Variants in YTHDF3 observed in about 807,000 individuals in gnomAD.
The protein encoded by YTHDF3 is YTH domain-containing family protein 3.
Under a neutral mutation model 52.5 loss-of-function variants are expected in YTHDF3, and 9 were observed. That is an observed-to-expected ratio of 0.17 (90% CI 0.10 to 0.30). The LOEUF (loss-of-function observed/expected upper bound fraction) is 0.30. Among genes scored for constraint, YTHDF3 ranks in the 10% least tolerant of loss-of-function variants. YTHDF3 has a pLI of 1.00. For synonymous variants in YTHDF3, 274 were observed against 243.3 expected, an observed-to-expected ratio of 1.13 and a Z score of -1.18; for missense variants, 534 against 715.0, an observed-to-expected ratio of 0.75 and a Z score of 2.89.
rs1287666821 is a variant in YTHDF3, at chr8:63,187,746, G to T, written c.1734+1G>T. On this transcript the variant is annotated splice_donor_variant, in intron 4 of 4. Transcript: ENST00000539294. LOFTEE classifies it high-confidence loss of function. ...AGAAGAGGAGGAAGCCATGCGTAGGGTAAGAATATAGTAATTTTTTGTTTG... is the reference window on the plus strand; with the variant it reads ...AGAAGAGGAGGAAGCCATGCGTAGGTTAAGAATATAGTAATTTTTTGTTTG... 3 of 1,591,968 alleles carry T rather than the reference G, an allele frequency of 1.9e-6. No homozygotes were observed. Among genetic ancestry groups the T allele is most frequent in the Admixed American group, 1.8e-5 (1 of 56,036 alleles).
At chr8:63,179,862 T>TC (rs1030841887) in intron 3 of YTHDF3, among the ~76,000 whole-genome samples, 1 of 133,906 alleles carries the variant, frequency 7.5e-6, no homozygotes, top group Non-Finnish European at 1.6e-5. Flanking sequence ...CCCTCCCACC[T>TC]CCCCCCGGAT....
chr8:63,199,409 C>G lies in YTHDF3; in HGVS notation c.1735-10274C>G, dbSNP rs552700080. On this transcript the variant is annotated intron_variant, in intron 4 of 4. Coordinates refer to ENST00000539294, the MANE Select transcript of YTHDF3 (RefSeq NM_152758.6). The stretch of plus-strand genomic sequence containing the variant: ...TCCCTTGAATACTGCATTTTTTTAT[C>G]TCTTTCGTTGAAATAATTCGTTGTA... 9.2e-5 allele frequency among the ~76,000 whole-genome samples: 14 copies of G among 152,206 alleles called. No homozygotes were observed. In the South Asian group the frequency reaches 2.9e-3, roughly 32 times the overall value.
At chr8:63,199,253 T>A (rs779093772) in intron 4 of YTHDF3, among the ~76,000 whole-genome samples, 3 of 152,180 alleles carry the variant, frequency 2.0e-5, no homozygotes, top group Admixed American at 6.5e-5. Context: ...GGTGATTAAA[T>A]TGGACAGAAT....
intron 4 of YTHDF3, among the ~76,000 whole-genome samples, chr8:63,209,465 G>A (rs1360266620): frequency 6.6e-6 from 1 of 152,084 alleles, no homozygotes; most frequent in Non-Finnish European, 1.5e-5. Context: ...TCCTGAAATA[G>A]GTCTTTGTGT....
chr8:63,183,497 T>C (rs903767357), intron 3 of YTHDF3, among the ~76,000 whole-genome samples: 4 of 152,214 alleles, frequency 2.6e-5, no homozygotes, highest in East Asian at 1.9e-4. Flanking sequence ...TTAAAAACTA[T>C]TGTTGGTGTA....
At chr8:63,171,897 A>T (rs1402593281) in intron 2 of YTHDF3, among the ~76,000 whole-genome samples, 2 of 152,186 alleles carry the variant, frequency 1.3e-5, no homozygotes, top group Non-Finnish European at 2.9e-5. Flanking sequence ...TCTTTAGTTG[A>T]CAGCTTTAGC....
Position 63,186,693 on chromosome 8 carries a change from G to C in YTHDF3, c.682G>C (p.Val228Leu). The C allele has an allele frequency of 3.1e-6, 5 of 1,613,992 alleles. No individual in the cohort carries two copies. The highest frequency in any genetic ancestry group is 4.2e-6 in the Non-Finnish European group (5 of 1,179,890). The change falls in exon 4 of 5, where the codon GTT (valine) becomes CTT (leucine). Residue 228 changes from valine to leucine, a missense_variant. This residue lies in a region of YTHDF3 where 196 missense variants were observed against 299.5 expected (regional missense o/e 0.65). Coordinates refer to ENST00000539294, the MANE Select transcript of YTHDF3 (RefSeq NM_152758.6). ...CATTGCAACCAATAGTGTGCCCCCA[G>C]TTAGCAGTGCAGCACCTAAACCAAC... is the stretch of plus-strand genomic sequence containing the variant. Reference protein sequence around the residue: ...TSIATNSVPPVSSAAPKPTSW... With the variant: ...TSIATNSVPPLSSAAPKPTSW...
chr8:63,172,731 C>G lies in YTHDF3; in HGVS notation c.50-2600C>G, dbSNP rs1258339551. 3 of 1,227,958 alleles carry G rather than the reference C, an allele frequency of 2.4e-6. No homozygotes were observed. In the African/African-American group the frequency reaches 4.7e-5, roughly 19 times the overall value. 76.1% of individuals were successfully genotyped at this position (1,227,958 alleles called of 1,614,324 possible). A position where few individuals can be genotyped will look rare whatever the true frequency, so the allele number is the denominator to read the frequency against. On this transcript the variant is annotated intron_variant, in intron 2 of 4. Transcript: ENST00000539294. ...GACCAGAGCAAAGAATCACCTGGCT[C>G]CTAAGGCCCATGTTCTATCTTGATT...
At chr8:63,169,173 C>G (rs758528735) in intron 1 of YTHDF3, 4 of 1,398,286 alleles carry the variant, frequency 2.9e-6, no homozygotes, top group Admixed American at 2.8e-5. Context: ...GGGGCGGAGA[C>G]CGGGCGAGCT....
chr8:63,208,149 C>T (rs1810155548), intron 4 of YTHDF3, among the ~76,000 whole-genome samples: 1 of 152,046 alleles, frequency 6.6e-6, no homozygotes, highest in African/African-American at 2.4e-5. Flanking sequence ...CTCACCGATA[C>T]TCGTTAGTCT....
chr8:63,187,318 C>G lies in YTHDF3; in HGVS notation c.1307C>G (p.Ser436Cys), dbSNP rs767721927. Residue 436 changes from serine (S) to cysteine (C), a missense_variant, in exon 4 of 5, where the codon TCT (serine) becomes TGT (cysteine). This residue lies in a region of YTHDF3 where 135 missense variants were observed against 214.2 expected (regional missense o/e 0.63). Transcript: ENST00000539294. The stretch of plus-strand genomic sequence containing the variant: ...GACATACATCGTTCCATTAAATACT[C>G]TATCTGGTGTAGTACTGAGCATGGT... Reference protein sequence around the residue: ...EDDIHRSIKYSIWCSTEHGNK... With the variant: ...EDDIHRSIKYCIWCSTEHGNK... 1 of 1,614,034 alleles carries G rather than the reference C, an allele frequency of 6.2e-7. No homozygotes were observed. Among genetic ancestry groups the G allele is most frequent in the Non-Finnish European group, 8.5e-7 (1 of 1,179,894 alleles).
In YTHDF3 at chr8:63,209,703, A is replaced by G. The variant is rs1369080326; in HGVS notation, c.1755A>G (p.Gln585=). Residue 585 remains glutamine (Q), a synonymous_variant, in exon 5 of 5, where the codon CAA becomes CAG. Coordinates refer to ENST00000539294, the MANE Select transcript of YTHDF3 (RefSeq NM_152758.6). ...AMRRERNRNK[Q] ...TTCAGGAGAGAAATAGAAACAAACA[A>G]TAACCGTATGAAGATGTCCTGTTAA... 6.3e-7 allele frequency: 1 copy of G among 1,576,672 alleles called. No individual in the cohort carries two copies. The highest frequency in any genetic ancestry group is 8.6e-7 in the Non-Finnish European group (1 of 1,167,280).
intron 4 of YTHDF3, among the ~76,000 whole-genome samples, chr8:63,190,500 TTAAA>T (rs1417915919): frequency 1.3e-5 from 2 of 152,164 alleles, no homozygotes; most frequent in African/African-American, 4.8e-5. Flanking sequence ...CATTGTTTTG[TTAAA>T]TAAAGTTTAT....
chr8:63,169,314 T>C, intron 1 of YTHDF3, 73 bp from the exon 2 acceptor site: 1 of 1,527,632 alleles, frequency 6.5e-7, no homozygotes, highest in Non-Finnish European at 8.9e-7. Context: ...TCTTTGATAA[T>C]GCCTTTGATT....
intron 2 of YTHDF3, among the ~76,000 whole-genome samples, chr8:63,174,263 A>G (rs1237621480): frequency 6.6e-6 from 1 of 152,240 alleles, no homozygotes; most frequent in Non-Finnish European, 1.5e-5. Flanking sequence ...TATCTTCACT[A>G]GTATAGAATA....
intron 3 of YTHDF3, among the ~76,000 whole-genome samples, chr8:63,183,026 A>G (rs2130059648): frequency 6.8e-6 from 1 of 148,106 alleles, no homozygotes; most frequent in African/African-American, 2.5e-5. Context: ...GTGGCATCGC[A>G]GCTCACTGCA....
chr8:63,192,284 A>C (rs1189392164), intron 4 of YTHDF3, among the ~76,000 whole-genome samples: 2 of 152,118 alleles, frequency 1.3e-5, no homozygotes, highest in Admixed American at 1.3e-4. Context: ...AGAATCATTG[A>C]GTTCAGTTAT....
At chr8:63,196,256 T>TA (rs879565627) in intron 4 of YTHDF3, among the ~76,000 whole-genome samples, 1,648 of 135,018 alleles carry the variant, frequency 0.012, 10 homozygotes, top group African/African-American at 0.033. Context: ...GTCTGTCTCT[T>TA]AAAAAAAAAA....
At chr8:63,190,811 G>A (rs941979121) in intron 4 of YTHDF3, among the ~76,000 whole-genome samples, 1 of 152,142 alleles carries the variant, frequency 6.6e-6, no homozygotes, top group African/African-American at 2.4e-5. Flanking sequence ...TCTGTGATTC[G>A]TGAATCACAT....
Sources: allele counts gnomAD v4.1 joint callset (sites outside exome capture counted in the v4.1 genomes callset), GRCh38; gene constraint gnomAD v4.1.1; regional missense constraint gnomAD v4.1.1; transcripts MANE v1.5; gene names NCBI Gene and HGNC (gene_info 2026-07-23, HGNC 2026-07-21).